The following KIAA1217 variants were observed in gnomAD, a reference collection of about 807,000 sequenced individuals.
The protein encoded by KIAA1217 is sickle tail protein homolog.
Under a neutral mutation model 163.9 loss-of-function variants are expected in KIAA1217, and 88 were observed. That is an observed-to-expected ratio of 0.54 (90% CI 0.45 to 0.64). The LOEUF (loss-of-function observed/expected upper bound fraction) is 0.64. KIAA1217 is among the 30% of genes least tolerant of loss of function. The probability of loss-of-function intolerance (pLI) is 0.00; values close to 1 mark genes in which losing one functional copy is unlikely to be tolerated. For synonymous variants in KIAA1217, 903 were observed against 923.1 expected (o/e 0.98, Z 0.39); for missense variants, 2,372 against 2,475.0 (o/e 0.96, Z 0.88).
intron 1 of KIAA1217, among the ~76,000 whole-genome samples, chr10:23,842,818 A>G (rs919574356): frequency 3.9e-5 from 6 of 152,088 alleles, no homozygotes; most frequent in African/African-American, 1.2e-4. Flanking sequence ...AAAAAATACA[A>G]TAATTAGAAT....
At chr10:23,832,510 T>C (rs185353797) in intron 1 of KIAA1217, among the ~76,000 whole-genome samples, 1 of 152,290 alleles carries the variant, frequency 6.6e-6, no homozygotes. Context: ...TCCTCTCTCC[T>C]GAAGCGCAGG....
chr10:24,206,808 C>CT (rs994251150), upstream of KIAA1217, among the ~76,000 whole-genome samples: 6 of 152,114 alleles, frequency 3.9e-5, no homozygotes, highest in Non-Finnish European at 8.8e-5. Flanking sequence ...GGGCAGTGGG[C>CT]TTGGCCCGTA....
chr10:23,801,246 G>T (rs1054077276), intron 1 of KIAA1217, among the ~76,000 whole-genome samples: 1 of 152,130 alleles, frequency 6.6e-6, no homozygotes, highest in Non-Finnish European at 1.5e-5. Flanking sequence ...TACACCACAT[G>T]TTCTCACTCC....
intron 3 of KIAA1217, among the ~76,000 whole-genome samples, chr10:24,430,443 A>T (rs1591859239): frequency 1.3e-5 from 2 of 152,328 alleles, no homozygotes; most frequent in East Asian, 3.9e-4. Context: ...TTTGTGGAAG[A>T]CAATTTTTCC....
intron 1 of KIAA1217, among the ~76,000 whole-genome samples, chr10:23,767,812 C>A (rs1478053101): frequency 6.6e-5 from 10 of 152,098 alleles, no homozygotes; most frequent in Admixed American, 1.3e-4. Context: ...AGACATAAAG[C>A]CCTACTTTAG....
At chr10:24,430,506 T>A (rs2059519473) in intron 3 of KIAA1217, among the ~76,000 whole-genome samples, 1 of 152,112 alleles carries the variant, frequency 6.6e-6, no homozygotes, top group Non-Finnish European at 1.5e-5. Context: ...GCATTACATT[T>A]AGCATGCACT....
chr10:23,851,380 T>C (rs1839311785), intron 1 of KIAA1217, among the ~76,000 whole-genome samples: 1 of 152,218 alleles, frequency 6.6e-6, no homozygotes, highest in South Asian at 2.1e-4. Context: ...CCATGATGTA[T>C]ATGTGCCACA....
At chr10:24,135,165 A>T (rs143573531) in intron 2 of KIAA1217, among the ~76,000 whole-genome samples, 1 of 152,268 alleles carries the variant, frequency 6.6e-6, no homozygotes, top group East Asian at 1.9e-4. Flanking sequence ...AACAATCCAC[A>T]CACTCCCTTC....
chr10:23,723,182 A>G (rs1217297406), intron 1 of KIAA1217, among the ~76,000 whole-genome samples: 2 of 152,090 alleles, frequency 1.3e-5, no homozygotes, highest in African/African-American at 4.8e-5. Context: ...TGACTCTCCT[A>G]TAGCATGCCC....
intron 1 of KIAA1217, among the ~76,000 whole-genome samples, chr10:23,942,466 TG>T (rs1843819873): frequency 6.6e-6 from 1 of 152,214 alleles, no homozygotes; most frequent in East Asian, 1.9e-4. Flanking sequence ...TCTATTAATT[TG>T]ATTTCAGATC....
intron 2 of KIAA1217, among the ~76,000 whole-genome samples, chr10:24,355,892 G>A (rs7086657): frequency 0.019 from 2,940 of 151,196 alleles, 100 homozygotes; most frequent in African/African-American, 0.068. Context: ...GGGACTACAG[G>A]TGTCTGCCAC....
At chr10:24,529,489 T>C (rs1478787776) in intron 14 of KIAA1217, among the ~76,000 whole-genome samples, 1 of 152,066 alleles carries the variant, frequency 6.6e-6, no homozygotes, top group Non-Finnish European at 1.5e-5. Context: ...GTGGAGGGAA[T>C]TTATATATAT....
At chr10:24,515,423 C>T (rs760782223) in intron 10 of KIAA1217, among the ~76,000 whole-genome samples, 10 of 152,182 alleles carry the variant, frequency 6.6e-5, no homozygotes, top group Non-Finnish European at 1.3e-4. Flanking sequence ...ATAATTCTCA[C>T]TTCTGGCCTA....
intron 2 of KIAA1217, among the ~76,000 whole-genome samples, chr10:24,141,225 A>AGCCCC (rs796365302): frequency 1.3e-5 from 1 of 76,258 alleles, no homozygotes; most frequent in Admixed American, 1.6e-4. Flanking sequence ...GAAAGAATAA[A>AGCCCC]CCCCCCCCCC....
intron 1 of KIAA1217, among the ~76,000 whole-genome samples, chr10:23,706,304 A>G (rs962029652): frequency 3.3e-5 from 5 of 152,210 alleles, no homozygotes; most frequent in African/African-American, 1.2e-4. Context: ...CTGTAATACA[A>G]TGTTAAACAG....
chr10:24,372,192 G>A (rs1463014628), intron 2 of KIAA1217, among the ~76,000 whole-genome samples: 2 of 152,186 alleles, frequency 1.3e-5, no homozygotes, highest in Non-Finnish European at 2.9e-5. Context: ...CAAGGAAGAA[G>A]GCTTTGATCG....
intron 1 of KIAA1217, among the ~76,000 whole-genome samples, chr10:23,921,871 C>G (rs1308925382): frequency 6.6e-6 from 1 of 152,128 alleles, no homozygotes; most frequent in East Asian, 1.9e-4. Context: ...TGGTCTTCAT[C>G]TCTTGTTCCT....
chr10:23,958,747 T>C (rs1020453678), intron 1 of KIAA1217, among the ~76,000 whole-genome samples: 1 of 151,884 alleles, frequency 6.6e-6, no homozygotes, highest in East Asian at 1.9e-4. Flanking sequence ...TTAGGCAAAA[T>C]GGGGAATTTA....
At chr10:24,243,596 G>A (rs2073378057) in intron 2 of KIAA1217, among the ~76,000 whole-genome samples, 1 of 151,398 alleles carries the variant, frequency 6.6e-6, no homozygotes, top group Non-Finnish European at 1.5e-5. Flanking sequence ...CAAAAGACGT[G>A]TTTCATTCTT....
Sources: gnomAD v4.1 joint callset for allele counts (sites outside exome capture counted in the v4.1 genomes callset) on GRCh38, gnomAD v4.1.1 for gene constraint, MANE v1.5 for transcripts, NCBI Gene and HGNC (gene_info 2026-07-23, HGNC 2026-07-21) for gene names.